TOGARAM1: variants seen among roughly 807,000 people sequenced by gnomAD.
The protein encoded by TOGARAM1 is TOG array regulator of axonemal microtubules 1.
A neutral mutation model predicts 166.6 loss-of-function variants in TOGARAM1; 100 were observed. The ratio of observed to expected loss-of-function variants is 0.60; its 90% CI spans 0.51 to 0.71. The LOEUF is 0.71. TOGARAM1 is among the 30% of genes least tolerant of loss of function. The pLI is 0.00. For synonymous variants in TOGARAM1, 758 were observed against 763.8 expected (o/e 0.99, Z 0.13); for missense variants, 2,029 against 2,102.7 (o/e 0.96, Z 0.69).
intron 14 of TOGARAM1, among the ~76,000 whole-genome samples, chr14:45,048,904 G>A (rs921357645): frequency 6.6e-6 from 1 of 151,780 alleles, no homozygotes; most frequent in Non-Finnish European, 1.5e-5. Context: ...TTGAACCTAG[G>A]AAGTGGAGGT....
chr14:45,072,566 A>G (rs1443682948), intron 19 of TOGARAM1, among the ~76,000 whole-genome samples: 1 of 152,090 alleles, frequency 6.6e-6, no homozygotes, highest in Non-Finnish European at 1.5e-5. Context: ...CTGGGACTAC[A>G]GGTGCCTGCT....
In TOGARAM1 at chr14:45,009,130, A is replaced by G. The variant is rs765035742; in HGVS notation, c.3122A>G (p.Gln1041Arg). 3.7e-6 allele frequency: 6 copies of G among 1,611,378 alleles called. No homozygotes were observed. The African/African-American group carries it at 4.0e-5, about 11-fold the overall frequency. The change falls in exon 6 of 20, where the codon CAG (glutamine) becomes CGG (arginine). Residue 1041 changes from glutamine (Q) to arginine (R), a missense_variant. Transcript: ENST00000361462. Reference protein sequence around the residue: ...SLTSSLSTTPQGKRIMSDIFP... With the variant: ...SLTSSLSTTPRGKRIMSDIFP... ...ACTTCTTCTCTGTCTACAACTCCCC[A>G]GGGGAAGAGAATAATGTATTTTATT... is the stretch of plus-strand genomic sequence containing the variant.
At position 45,027,344 on chromosome 14, in the gene TOGARAM1, C is replaced by T. The variant is rs755768974; in HGVS notation, c.3374C>T (p.Ser1125Leu). Reference sequence around the variant, plus strand: ...TCAGCACCAGCAACCTGCAGCCAATCAGTGATATCTTCTGTGGAAAATGGG... The same window carrying T: ...TCAGCACCAGCAACCTGCAGCCAATTAGTGATATCTTCTGTGGAAAATGGG... ...LSSAPATCSQ[S>L]VISSVENGDT... The change falls in exon 9 of 20, where the codon TCA becomes TTA. Residue 1125 changes from serine to leucine, a missense_variant. Transcript: ENST00000361462. 5 of 1,613,246 alleles carry T rather than the reference C, an allele frequency of 3.1e-6. No homozygotes were observed. The highest frequency in any genetic ancestry group is 2.2e-5 in the East Asian group (1 of 44,800).
chr14:44,967,989 A>G (rs914282347), intron 1 of TOGARAM1, among the ~76,000 whole-genome samples: 2 of 152,166 alleles, frequency 1.3e-5, no homozygotes, highest in African/African-American at 2.4e-5. Context: ...GTCAGTGTAT[A>G]TATTATTAAA....
Position 45,004,314 on chromosome 14 carries a change from A to G in TOGARAM1, c.2592A>G (p.Pro864=). Residue 864 remains proline (P), a synonymous_variant, in exon 4 of 20, where the codon CCA becomes CCG. Coordinates refer to ENST00000361462, the MANE Select transcript of TOGARAM1 (RefSeq NM_001308120.2). ...KSFEGLSKPS[P]QKKLVSQKSS... ...TCGAAGGACTATCAAAGCCAAGTCCACAGAAGAAGCTTGTCAGCCAAAAAT... is the reference window on the plus strand; with the variant it reads ...TCGAAGGACTATCAAAGCCAAGTCCGCAGAAGAAGCTTGTCAGCCAAAAAT... The G allele has an allele frequency of 6.2e-7, 1 of 1,614,034 alleles. No individual in the cohort carries two copies. The highest frequency in any genetic ancestry group is 1.7e-5 in the Admixed American group (1 of 60,006).
chr14:44,963,479 A>G lies in TOGARAM1; in HGVS notation c.1058A>G (p.Gln353Arg), dbSNP rs1885327190. Residue 353 changes from glutamine to arginine, a missense_variant, in exon 1 of 20, where the codon CAG becomes CGG. By Grantham distance (43) the Gln-to-Arg change is conservative (BLOSUM62 1). Transcript: ENST00000361462. ...AATCTTAAATTTGGGATTATTCCTC[A>G]GGAGCTGCATTCACGATTATTGGAT... Reference protein sequence around the residue: ...NSNLKFGIIPQELHSRLLDQE... With the variant: ...NSNLKFGIIPRELHSRLLDQE... The G allele has an allele frequency of 3.1e-6, 5 of 1,614,230 alleles. No individual in the cohort carries two copies. The highest frequency in any genetic ancestry group is 1.3e-5 in the African/African-American group (1 of 75,072).
chr14:44,979,328 CA>C (rs1017264822), intron 1 of TOGARAM1, among the ~76,000 whole-genome samples: 1 of 152,134 alleles, frequency 6.6e-6, no homozygotes, highest in African/African-American at 2.4e-5. Flanking sequence ...TTGGCAAATT[CA>C]GCGTCCAGTT....
intron 16 of TOGARAM1, among the ~76,000 whole-genome samples, chr14:45,065,596 C>A (rs1215135276): frequency 6.6e-6 from 1 of 152,136 alleles, no homozygotes; most frequent in Non-Finnish European, 1.5e-5. Flanking sequence ...TGAATACTGT[C>A]ATTGCCATAA....
rs551225582 is a variant in TOGARAM1, at chr14:45,001,455, A to C, written c.2338+1958A>C. Among the ~76,000 whole-genome samples, 14 of 152,354 alleles carry C rather than the reference A, an allele frequency of 9.2e-5. 1 individual carries two copies. The East Asian group carries it at 1.7e-3, about 19-fold the overall frequency. Reference sequence around the variant, plus strand: ...GCATGGCAAAGGAAACAGTCAACAAAGTGAAGATACAGCTTACAGAATGGG... The same window carrying C: ...GCATGGCAAAGGAAACAGTCAACAACGTGAAGATACAGCTTACAGAATGGG... On this transcript the variant is annotated intron_variant, in intron 3 of 19. Transcript: ENST00000361462.
intron 16 of TOGARAM1, among the ~76,000 whole-genome samples, chr14:45,065,538 T>C (rs142412115): frequency 6.6e-6 from 1 of 152,350 alleles, no homozygotes; most frequent in African/African-American, 2.4e-5. Context: ...ACAAGCTGGA[T>C]CTACCACATT....
chr14:44,976,205 T>G (rs1335371770), intron 1 of TOGARAM1, among the ~76,000 whole-genome samples: 1 of 152,184 alleles, frequency 6.6e-6, no homozygotes, highest in Non-Finnish European at 1.5e-5. Flanking sequence ...TAGCCCCCTT[T>G]CCCCTTACTG....
chr14:44,962,669 C>G lies in TOGARAM1; in HGVS notation c.248C>G (p.Ser83Cys), dbSNP rs1399554846. The G allele has an allele frequency of 6.2e-7, 1 of 1,614,094 alleles. No homozygotes were observed. Among genetic ancestry groups the G allele is most frequent in the Non-Finnish European group, 8.5e-7 (1 of 1,180,042 alleles). Residue 83 changes from serine to cysteine, a missense_variant, in exon 1 of 20, where the codon TCT becomes TGT. Physicochemically the swap from Ser to Cys is moderately radical, Grantham distance 112. Transcript: ENST00000361462. ...TCGGAGGCAGTCTCAAGCAGCTGGTCTGAGTCTGGAGGCGGTTTGTCAGGG... is the reference window on the plus strand; with the variant it reads ...TCGGAGGCAGTCTCAAGCAGCTGGTGTGAGTCTGGAGGCGGTTTGTCAGGG... Reference protein sequence around the residue: ...MPSEAVSSSWSESGGGLSGGD... With the variant: ...MPSEAVSSSWCESGGGLSGGD...
intron 1 of TOGARAM1, among the ~76,000 whole-genome samples, chr14:44,977,532 G>A (rs867522418): frequency 1.2e-4 from 18 of 152,084 alleles, no homozygotes; most frequent in Admixed American, 5.2e-4. Flanking sequence ...CACAGCACCC[G>A]GCCAAGACTG....
At chr14:45,009,533 C>A (rs1484362244) in intron 6 of TOGARAM1, among the ~76,000 whole-genome samples, 1 of 152,180 alleles carries the variant, frequency 6.6e-6, no homozygotes, top group Non-Finnish European at 1.5e-5. Context: ...CCAGTTTCCT[C>A]TAATTTATGA....
chr14:45,034,355 G>A (rs1232343862), intron 11 of TOGARAM1, among the ~76,000 whole-genome samples: 3 of 152,100 alleles, frequency 2.0e-5, no homozygotes, highest in Admixed American at 2.0e-4. Context: ...TGGACATGGT[G>A]CTGAGAGTTT....
intron 16 of TOGARAM1, among the ~76,000 whole-genome samples, chr14:45,065,445 T>A (rs919540213): frequency 3.9e-5 from 6 of 152,222 alleles, no homozygotes; most frequent in Non-Finnish European, 8.8e-5. Context: ...AATCTCATAA[T>A]GTTTTAAGAA....
chr14:45,000,709 T>C (rs996886405), intron 3 of TOGARAM1, among the ~76,000 whole-genome samples: 1 of 152,148 alleles, frequency 6.6e-6, no homozygotes, highest in African/African-American at 2.4e-5. Context: ...TCTTTCGATA[T>C]ATGCCCAGCA....
At chr14:45,049,828 C>A (rs1251139362) in intron 14 of TOGARAM1, among the ~76,000 whole-genome samples, 1 of 151,852 alleles carries the variant, frequency 6.6e-6, no homozygotes, top group African/African-American at 2.4e-5. Flanking sequence ...CTCTCTATCA[C>A]CTTGTTAAAA....
chr14:44,980,441 T>C (rs1160994315), intron 1 of TOGARAM1, among the ~76,000 whole-genome samples: 2 of 152,032 alleles, frequency 1.3e-5, no homozygotes, highest in African/African-American at 4.8e-5. Context: ...TCAGTGTGGG[T>C]GAGGGAAGCG....
Sources: allele counts gnomAD v4.1 joint callset (sites outside exome capture counted in the v4.1 genomes callset), GRCh38; gene constraint gnomAD v4.1.1; transcripts MANE v1.5; gene names NCBI Gene and HGNC (gene_info 2026-07-23, HGNC 2026-07-21).